RIN2: variants seen among roughly 807,000 people sequenced by gnomAD.
RIN2 encodes Ras and Rab interactor 2.
RIN2 carries 36 observed loss-of-function variants against 78.0 expected under a neutral mutation model. That is an observed-to-expected ratio of 0.46 (90% CI 0.35 to 0.61). The LOEUF (loss-of-function observed/expected upper bound fraction) is 0.61, where lower values mean the gene tolerates loss of function less well. RIN2 is among the 20% of genes least tolerant of loss of function. The pLI is 0.00. For synonymous variants in RIN2, 466 were observed against 466.8 expected (o/e 1.00, Z 0.02); for missense variants, 1,087 against 1,159.7 (o/e 0.94, Z 0.91).
intron 2 of RIN2, among the ~76,000 whole-genome samples, chr20:19,853,737 T>C (rs1025072246): frequency 2.0e-5 from 3 of 152,236 alleles, no homozygotes; most frequent in African/African-American, 7.2e-5. Flanking sequence ...GTTGTTTTTT[T>C]CTTGTAAATT....
In RIN2 at chr20:19,956,223, A is replaced by ACTCCAGC. The variant is rs200063018; in HGVS notation, c.159-389_159-383dup. Among the ~76,000 whole-genome samples, 1,130 of 142,164 alleles carry ACTCCAGC rather than the reference A, an allele frequency of 7.9e-3. 11 individuals carry two copies. The highest frequency in any genetic ancestry group is 0.028 in the African/African-American group (1,081 of 37,960). 93.3% of individuals were successfully genotyped at this position (142,164 alleles called of 152,430 possible). On this transcript the variant is annotated intron_variant, in intron 4 of 12. Coordinates refer to ENST00000255006, the MANE Select transcript of RIN2 (RefSeq NM_018993.4). The stretch of plus-strand genomic sequence containing the variant: ...CAGTGAGCCCAGATCGCGCCACTGC[A>ACTCCAGC]CTCCAGCCTGGGCAACAGAATAAGA...
At chr20:19,890,194 G>C (rs569820449) in intron 3 of RIN2, among the ~76,000 whole-genome samples, 6 of 152,238 alleles carry the variant, frequency 3.9e-5, no homozygotes, top group Admixed American at 6.5e-5. Flanking sequence ...GATTATAACT[G>C]TCTAACTCTT....
chr20:19,881,213 A>G (rs1025762881), intron 2 of RIN2, among the ~76,000 whole-genome samples: 7 of 152,166 alleles, frequency 4.6e-5, no homozygotes, highest in Admixed American at 3.9e-4. Context: ...AATTTCATGA[A>G]CTTTCCAAGT....
At chr20:19,768,064 G>A (rs564864018) in intron 1 of RIN2, among the ~76,000 whole-genome samples, 1 of 152,164 alleles carries the variant, frequency 6.6e-6, no homozygotes, top group Non-Finnish European at 1.5e-5. Context: ...CAACTTAGGA[G>A]AGCGTCATGT....
rs1369425551 is a variant in RIN2, at chr20:19,975,250, A to T, written c.1225A>T (p.Thr409Ser). ...GCCTGAGGCCGCCCCGGGGGATTGC[A>T]CAAGGGCCCCGCCGCCCAGCTCTGA... is the stretch of plus-strand genomic sequence containing the variant. ...APPEAAPGDC[T>S]RAPPPSSESR... Residue 409 changes from threonine to serine, a missense_variant, in exon 9 of 13, where the codon ACA (threonine) becomes TCA (serine). Transcript: ENST00000255006. The surrounding 1 kb of genome is among the most constrained non-coding windows in gnomAD (Gnocchi z 4.9). 6.3e-7 allele frequency: 1 copy of T among 1,583,266 alleles called. No homozygotes were observed.
At chr20:19,838,900 C>CCTTCACCCGAGCCT (rs2044356944) in intron 2 of RIN2, among the ~76,000 whole-genome samples, 1 of 152,264 alleles carries the variant, frequency 6.6e-6, no homozygotes, top group South Asian at 2.1e-4. Context: ...TCCTCTCCAG[C>CCTTCACCCGAGCCT]CCCCAAACCT....
At chr20:19,843,608 A>G (rs1214373470) in intron 2 of RIN2, among the ~76,000 whole-genome samples, 2 of 152,228 alleles carry the variant, frequency 1.3e-5, no homozygotes, top group African/African-American at 4.8e-5. Context: ...TTCTACATGC[A>G]CTGGAAAACC....
chr20:19,798,843 T>C (rs1487650015), intron 1 of RIN2, among the ~76,000 whole-genome samples: 1 of 152,194 alleles, frequency 6.6e-6, no homozygotes, highest in African/African-American at 2.4e-5. Context: ...ACTTAGGTAA[T>C]TTTGAAAAGG....
Position 19,992,174 on chromosome 20 carries a change from T to A in RIN2, c.2075T>A (p.Met692Lys), listed in dbSNP as rs1413340770. ...CTTCTCTTCCTGCTCTCAGGGAGGA[T>A]GTATGGCGCTGATGACTTCTTGCCA... ...YTVMENNSGR[M>K]YGADDFLPVL... is the part of the protein sequence containing the mutation. The change falls in exon 11 of 13, where the codon ATG becomes AAG. Residue 692 changes from methionine to lysine, a missense_variant. This residue lies in a region of RIN2 where 45 missense variants were observed against 88.1 expected (regional missense o/e 0.51). Coordinates refer to ENST00000255006, the MANE Select transcript of RIN2 (RefSeq NM_018993.4). The A allele has an allele frequency of 6.2e-7, 1 of 1,612,346 alleles. No homozygotes were observed. Among genetic ancestry groups the A allele is most frequent in the South Asian group, 1.1e-5 (1 of 90,432 alleles).
rs948881137 is a variant in RIN2 at position 19,787,449 on chromosome 20, G to A, written c.-162-12173G>A. 2.8e-4 allele frequency among the ~76,000 whole-genome samples: 41 copies of A among 146,422 alleles called. No homozygotes were observed. The South Asian group carries it at 8.8e-3, about 31-fold the overall frequency. On this transcript the variant is annotated intron_variant, in intron 1 of 12. Coordinates refer to ENST00000255006, the MANE Select transcript of RIN2 (RefSeq NM_018993.4). ...AAAAAAAAAAAAAAAAAAAAAAAGA[G>A]AGAGAGAGAGAGAAATGACCTCAAA... is the stretch of plus-strand genomic sequence containing the variant.
chr20:19,775,448 G>T (rs955702413), intron 1 of RIN2, among the ~76,000 whole-genome samples: 1 of 152,202 alleles, frequency 6.6e-6, no homozygotes, highest in Non-Finnish European at 1.5e-5. Context: ...ATTTCTGACT[G>T]GTGGAGGTAT....
chr20:19,981,033 G>A (rs969709851), intron 9 of RIN2, among the ~76,000 whole-genome samples: 3 of 151,964 alleles, frequency 2.0e-5, no homozygotes, highest in African/African-American at 4.8e-5. Context: ...CACTCCTCGT[G>A]GGCGGCCCTG....
intron 2 of RIN2, among the ~76,000 whole-genome samples, chr20:19,846,672 T>G (rs1295328842): frequency 6.6e-6 from 1 of 152,232 alleles, no homozygotes. Flanking sequence ...AAACACAGAC[T>G]ATTTGATTTC....
chr20:19,817,922 C>T (rs778850360), intron 2 of RIN2, among the ~76,000 whole-genome samples: 1 of 152,164 alleles, frequency 6.6e-6, no homozygotes, highest in Admixed American at 6.5e-5. Flanking sequence ...ATTAAAATAA[C>T]GGTGAAGTAT....
At chr20:19,849,839 A>G (rs1162491028) in intron 2 of RIN2, among the ~76,000 whole-genome samples, 3 of 152,214 alleles carry the variant, frequency 2.0e-5, no homozygotes, top group Non-Finnish European at 4.4e-5. Flanking sequence ...AAGTCTCTTA[A>G]TGCCTCAAAA....
intron 7 of RIN2, among the ~76,000 whole-genome samples, chr20:19,965,903 C>T (rs367655669): frequency 2.4e-4 from 36 of 152,162 alleles, no homozygotes; most frequent in South Asian, 1.2e-3. Flanking sequence ...TGAGCCACCA[C>T]GCCCCGCCCA....
At chr20:19,944,728 C>T (rs1252300126) in intron 4 of RIN2, among the ~76,000 whole-genome samples, 1 of 151,572 alleles carries the variant, frequency 6.6e-6, no homozygotes, top group South Asian at 2.1e-4. Flanking sequence ...TTGAGGATGG[C>T]AATACCAGAG....
intron 4 of RIN2, among the ~76,000 whole-genome samples, chr20:19,948,961 C>T (rs1445177026): frequency 6.6e-6 from 1 of 150,988 alleles, no homozygotes; most frequent in Non-Finnish European, 1.5e-5. Flanking sequence ...GGCCACTGCA[C>T]CAGGCCGTAA....
chr20:20,001,564 A>G lies in RIN2; in HGVS notation c.*628A>G, dbSNP rs1385849126. The G allele has an allele frequency of 6.6e-6, 1 of 152,490 alleles. No homozygotes were observed. Among genetic ancestry groups the G allele is most frequent in the Non-Finnish European group, 1.5e-5 (1 of 68,014 alleles). The allele number at this position is 152,490 out of a possible 1,614,324, so 9.4% of individuals were successfully genotyped here. ...CTCTTGCTGGATTTGAGAGTATTGC[A>G]TTTTTAAAGTCTCTCTTCTGTAACT... On this transcript the variant is annotated 3_prime_UTR_variant, in exon 13 of 13. Coordinates refer to ENST00000255006, the MANE Select transcript of RIN2 (RefSeq NM_018993.4).
Sources: gnomAD v4.1 joint callset for allele counts (sites outside exome capture counted in the v4.1 genomes callset) on GRCh38, gnomAD v4.1.1 for gene constraint, gnomAD v4.1.1 regional missense constraint, Gnocchi (gnomAD v3.1) non-coding constraint, MANE v1.5 for transcripts, NCBI Gene and HGNC (gene_info 2026-07-23, HGNC 2026-07-21) for gene names.